PDE6B: variants seen among roughly 807,000 people sequenced by gnomAD.
The protein encoded by PDE6B is rod cGMP-specific 3',5'-cyclic phosphodiesterase subunit beta.
A neutral mutation model predicts 109.0 loss-of-function variants in PDE6B; 106 were observed. The observed-to-expected ratio is 0.97, with a 90% CI of 0.83 to 1.14. The LOEUF is 1.14. PDE6B is among the 50% of genes most tolerant of loss of function. The pLI is 0.00. For synonymous variants in PDE6B, 490 were observed against 471.3 expected, an observed-to-expected ratio of 1.04 and a Z score of -0.51; for missense variants, 1,193 against 1,155.6, an observed-to-expected ratio of 1.03 and a Z score of -0.47.
At chr4:643,504 T>G (rs1025364768) in intron 3 of PDE6B, among the ~76,000 whole-genome samples, 4 of 152,184 alleles carry the variant, frequency 2.6e-5, no homozygotes, top group Non-Finnish European at 5.9e-5. Context: ...CTTTCCTAAA[T>G]GTTTGGTCAG....
chr4:631,013 C>T (rs1019170785), intron 1 of PDE6B, among the ~76,000 whole-genome samples: 5 of 152,288 alleles, frequency 3.3e-5, no homozygotes, highest in South Asian at 2.1e-4. Flanking sequence ...AGACCAGTGA[C>T]GCAGCCAGGA....
intron 21 of PDE6B, among the ~76,000 whole-genome samples, 163 bp downstream of exon 21, chr4:668,169 G>C (rs535094024): frequency 3.9e-4 from 59 of 152,090 alleles, no homozygotes; most frequent in African/African-American, 1.3e-3. Context: ...CCACGGCGGG[G>C]GAGAGTGGCA....
Position 625,940 on chromosome 4 carries a change from A to C in PDE6B, c.314A>C (p.Glu105Ala), listed in dbSNP as rs1433002725. The C allele has an allele frequency of 6.3e-7, 1 of 1,591,866 alleles. No homozygotes were observed. The highest frequency in any genetic ancestry group is 1.3e-5 in the African/African-American group (1 of 74,482). ...FMYRQRNGVA[E>A]LATRLFSVQP... The stretch of plus-strand genomic sequence containing the variant: ...TACCGCCAGCGCAACGGCGTGGCCG[A>C]GCTGGCCACCAGGCTTTTCAGCGTG... Residue 105 changes from glutamate (E) to alanine (A), a missense_variant, in exon 1 of 22, where the codon GAG (glutamate) becomes GCG (alanine). Physicochemically the swap from Glu to Ala is moderately radical, Grantham distance 107. Transcript: ENST00000496514. The surrounding 1 kb of genome is among the most constrained non-coding windows in gnomAD (Gnocchi z 5.0).
chr4:627,157 T>G (rs1734150800), intron 1 of PDE6B, among the ~76,000 whole-genome samples: 1 of 151,492 alleles, frequency 6.6e-6, no homozygotes, highest in African/African-American at 2.4e-5. Flanking sequence ...TGGGTTTTTT[T>G]TTTTTTTGAG....
chr4:637,511 G>A (rs914294244), intron 3 of PDE6B, among the ~76,000 whole-genome samples: 4 of 152,176 alleles, frequency 2.6e-5, no homozygotes, highest in Non-Finnish European at 4.4e-5. Context: ...TTGAGGCACC[G>A]CACCGAGCCT....
intron 5 of PDE6B, 196 bp downstream of exon 5, chr4:654,350 G>C (rs1735932714): frequency 1.4e-6 from 1 of 690,096 alleles, no homozygotes; most frequent in Admixed American, 2.0e-5. Context: ...TCCAGGGCTG[G>C]TCCCTGAATG....
intron 3 of PDE6B, among the ~76,000 whole-genome samples, chr4:640,691 GATTC>G (rs1460249869): frequency 6.6e-6 from 1 of 152,160 alleles, no homozygotes; most frequent in Non-Finnish European, 1.5e-5. Context: ...TTAGATGTGT[GATTC>G]ATTTTCTGAA....
Position 656,859 on chromosome 4 carries a change from A to C in PDE6B, c.1108-15A>C. The C allele has an allele frequency of 6.2e-7, 1 of 1,612,398 alleles. No individual in the cohort carries two copies. The highest frequency in any genetic ancestry group is 1.1e-5 in the South Asian group (1 of 91,082). On this transcript the variant is annotated splice_polypyrimidine_tract_variant and intron_variant, in intron 8 of 21. Transcript: ENST00000496514. ...GCCTCAGGGCGGAGCTCAGCTCTGGACACCGCTCCCGCAGGAAGGGGCCCT... is the reference window on the plus strand; with the variant it reads ...GCCTCAGGGCGGAGCTCAGCTCTGGCCACCGCTCCCGCAGGAAGGGGCCCT...
Position 663,651 on chromosome 4 carries a change from C to T in PDE6B, c.1921-119C>T, listed in dbSNP as rs982034141. ...CAGGCGGATTAGGGGTCCCGCCCACCGAGGGCCCGAGGGCGGGGGCGTGAG... is the reference window on the plus strand; with the variant it reads ...CAGGCGGATTAGGGGTCCCGCCCACTGAGGGCCCGAGGGCGGGGGCGTGAG... On this transcript the variant is annotated intron_variant, in intron 15 of 21. Coordinates refer to ENST00000496514, the MANE Select transcript of PDE6B (RefSeq NM_000283.4). The surrounding 1 kb of genome is among the most constrained non-coding windows in gnomAD (Gnocchi z 4.0). 1.9e-5 allele frequency: 14 copies of T among 750,128 alleles called. No individual in the cohort carries two copies. Among genetic ancestry groups the T allele is most frequent in the African/African-American group, 1.0e-4 (6 of 57,750 alleles). The allele number at this position is 750,128 out of a possible 1,614,324, so 46.5% of individuals were successfully genotyped here.
At chr4:650,741 C>T (rs1199876286) in intron 3 of PDE6B, among the ~76,000 whole-genome samples, 3 of 152,078 alleles carry the variant, frequency 2.0e-5, no homozygotes, top group African/African-American at 4.8e-5. Flanking sequence ...GCGTAGATGC[C>T]GTTTCAGAGC....
chr4:634,298 G>A lies in PDE6B; in HGVS notation c.469-379G>A, dbSNP rs1051443188. On this transcript the variant is annotated intron_variant, in intron 1 of 21. Coordinates refer to ENST00000496514, the MANE Select transcript of PDE6B (RefSeq NM_000283.4). Reference sequence around the variant, plus strand: ...GGGGCTGAAGGCAGGAGAGGGTGGCGGGCACCAGGAGGCTTCAGGGACAAG... The same window carrying A: ...GGGGCTGAAGGCAGGAGAGGGTGGCAGGCACCAGGAGGCTTCAGGGACAAG... Among the ~76,000 whole-genome samples, 6 of 152,144 alleles carry A rather than the reference G, an allele frequency of 3.9e-5. No individual in the cohort carries two copies. The East Asian group carries it at 9.7e-4, about 24-fold the overall frequency.
chr4:664,024 C>T, intron 16 of PDE6B, 90 bp from the exon 17 acceptor site: 1 of 1,172,172 alleles, frequency 8.5e-7, no homozygotes, highest in Non-Finnish European at 1.3e-6. Flanking sequence ...TGGGGCCTCG[C>T]TCGGGCTCCG....
intron 11 of PDE6B, among the ~76,000 whole-genome samples, chr4:660,007 G>A (rs1577291482): frequency 1.3e-5 from 2 of 152,140 alleles, no homozygotes; most frequent in South Asian, 4.1e-4. Flanking sequence ...CTGTGTGTGT[G>A]AGCCTACATG....
chr4:630,864 C>G (rs935643716), intron 1 of PDE6B, among the ~76,000 whole-genome samples: 2 of 152,176 alleles, frequency 1.3e-5, no homozygotes, highest in East Asian at 3.9e-4. Context: ...GTGCTGGGAC[C>G]AAGGGTGTAT....
At chr4:627,779 C>T (rs1015182766) in intron 1 of PDE6B, among the ~76,000 whole-genome samples, 4 of 151,978 alleles carry the variant, frequency 2.6e-5, no homozygotes, top group African/African-American at 7.2e-5. Context: ...CTCATCCCCA[C>T]CCTGTCCCAA....
At chr4:664,313 G>C in intron 17 of PDE6B, 92 bp downstream of exon 17, 1 of 779,830 alleles carries the variant, frequency 1.3e-6, no homozygotes, top group African/African-American at 1.7e-5. Flanking sequence ...CTCCCCAGAC[G>C]CTCTGGAGCA....
At chr4:652,864 T>G (rs1283343790) in intron 3 of PDE6B, 1 of 149,416 alleles carries the variant, frequency 6.7e-6, no homozygotes, top group Non-Finnish European at 1.5e-5. Context: ...AAAATAGACT[T>G]GTAATGTTCT....
In PDE6B at chr4:658,686, C is replaced by T. The variant is rs186395082; in HGVS notation, c.1402-266C>T. Among the ~76,000 whole-genome samples the T allele has an allele frequency of 1.5e-3, 232 of 152,298 alleles. 1 individual carries two copies. Among genetic ancestry groups the T allele is most frequent in the African/African-American group, 5.0e-3 (208 of 41,552 alleles). ...TCCCCAGCCAGGGGCCTTGCATGGCCAGAGCCCTCCTGGTCATCATGAGAG... is the reference window on the plus strand; with the variant it reads ...TCCCCAGCCAGGGGCCTTGCATGGCTAGAGCCCTCCTGGTCATCATGAGAG... On this transcript the variant is annotated intron_variant, in intron 10 of 21. Transcript: ENST00000496514.
chr4:632,088 G>T (rs1377456630), intron 1 of PDE6B, among the ~76,000 whole-genome samples: 1 of 151,692 alleles, frequency 6.6e-6, no homozygotes, highest in African/African-American at 2.4e-5. Flanking sequence ...TGCTATCTCA[G>T]GGTCACATTG....
Sources: allele counts gnomAD v4.1 joint callset (sites outside exome capture counted in the v4.1 genomes callset), GRCh38; gene constraint gnomAD v4.1.1; non-coding constraint Gnocchi (gnomAD v3.1); transcripts MANE v1.5; gene names NCBI Gene and HGNC (gene_info 2026-07-23, HGNC 2026-07-21).